FLRT2: variants seen among roughly 807,000 people sequenced by gnomAD.
FLRT2 encodes the protein leucine-rich repeat transmembrane protein FLRT2.
In FLRT2, 15 loss-of-function variants were observed where a neutral mutation model predicts 40.0. The ratio of observed to expected loss-of-function variants is 0.38; its 90% CI spans 0.25 to 0.58. The LOEUF is 0.58. FLRT2 is among the 20% of genes least tolerant of loss of function. The probability of loss-of-function intolerance (pLI) is 0.71; values close to 1 mark genes in which losing one functional copy is unlikely to be tolerated. For synonymous variants in FLRT2, 380 were observed against 336.8 expected (o/e 1.13, Z -1.41); for missense variants, 726 against 840.0 (o/e 0.86, Z 1.68).
At position 85,630,409 on chromosome 14, in the gene FLRT2, A is replaced by G. The variant is rs927228113; in HGVS notation, c.*6912A>G. 1 of 148,704 alleles carries G rather than the reference A, an allele frequency of 6.7e-6. No individual in the cohort carries two copies. The highest frequency in any genetic ancestry group is 2.5e-5 in the African/African-American group (1 of 40,134). The allele number at this position is 148,704 out of a possible 1,614,324, so 9.2% of individuals were successfully genotyped here. A position where few individuals can be genotyped will look rare whatever the true frequency, so the allele number is the denominator to read the frequency against. On this transcript the variant is annotated 3_prime_UTR_variant, in exon 2 of 2. Transcript: ENST00000330753. ...CTCAGTATTGGGTCACTCTTTTCCTAATATAAAAAACTATGCTGGCTCAAA... is the reference window on the plus strand; with the variant it reads ...CTCAGTATTGGGTCACTCTTTTCCTGATATAAAAAACTATGCTGGCTCAAA...
chr14:85,562,158 G>T (rs189503266), intron 1 of FLRT2, among the ~76,000 whole-genome samples: 2 of 152,312 alleles, frequency 1.3e-5, no homozygotes, highest in East Asian at 1.9e-4. Context: ...CTAAATGCAG[G>T]CATCTGAGAA....
Position 85,639,939 on chromosome 14 carries a change from T to G in FLRT2, c.*16442T>G, listed in dbSNP as rs1325618187. 1 of 147,550 alleles carries G rather than the reference T, an allele frequency of 6.8e-6. No homozygotes were observed. The highest frequency in any genetic ancestry group is 1.5e-5 in the Non-Finnish European group (1 of 67,296). The allele number at this position is 147,550 out of a possible 1,614,324, so 9.1% of individuals were successfully genotyped here. On this transcript the variant is annotated 3_prime_UTR_variant, in exon 2 of 2. Transcript: ENST00000330753. The stretch of plus-strand genomic sequence containing the variant: ...TCTCGACTCACTGCAAGCTCCGCCT[T>G]CCGAGTTCACACCATTCTCCTGCCT...
In FLRT2 at chr14:85,625,748, T is replaced by C. The variant is rs1372556993; in HGVS notation, c.*2251T>C. ...TTAGCTGGATAATTCCCTTCTACTGTCCTCTTCCCCTTGGCTGTGTAGATA... is the reference window on the plus strand; with the variant it reads ...TTAGCTGGATAATTCCCTTCTACTGCCCTCTTCCCCTTGGCTGTGTAGATA... On this transcript the variant is annotated 3_prime_UTR_variant, in exon 2 of 2. Transcript: ENST00000330753. 6.0e-6 allele frequency: 1 copy of C among 167,112 alleles called. No homozygotes were observed. The highest frequency in any genetic ancestry group is 2.4e-5 in the African/African-American group (1 of 41,470). The allele number at this position is 167,112 out of a possible 1,614,324, so 10.4% of individuals were successfully genotyped here.
At chr14:85,541,767 T>A (rs1888996077) in intron 1 of FLRT2, among the ~76,000 whole-genome samples, 1 of 152,192 alleles carries the variant, frequency 6.6e-6, no homozygotes, top group Non-Finnish European at 1.5e-5. Flanking sequence ...TATTTGTTCA[T>A]TGAAAGCATA....
chr14:85,578,346 CA>C (rs963715462), intron 1 of FLRT2, among the ~76,000 whole-genome samples: 3 of 150,682 alleles, frequency 2.0e-5, no homozygotes, highest in Non-Finnish European at 1.5e-5. Flanking sequence ...TGTGCCAGAC[CA>C]AAAAAAATCA....
chr14:85,559,051 T>C (rs550324022), intron 1 of FLRT2, among the ~76,000 whole-genome samples: 1 of 152,278 alleles, frequency 6.6e-6, no homozygotes, highest in South Asian at 2.1e-4. Context: ...TGTGTACACA[T>C]AGATAGGTGC....
At chr14:85,592,380 T>A (rs946459262) in intron 1 of FLRT2, among the ~76,000 whole-genome samples, 6 of 152,282 alleles carry the variant, frequency 3.9e-5, no homozygotes, top group Middle Eastern at 3.4e-3. Context: ...TTCTTTTTTT[T>A]ATCAGGTAGA....
At position 85,641,978 on chromosome 14, in the gene FLRT2, A is replaced by G. The variant is rs1307717976; in HGVS notation, c.*18481A>G. ...AGAATTTTATGATGAGAATGTAAAT[A>G]TAATAATTGTGAGGTAGGCTGAAGC... On this transcript the variant is annotated 3_prime_UTR_variant, in exon 2 of 2. Transcript: ENST00000330753. 6.6e-6 allele frequency: 1 copy of G among 152,160 alleles called. No homozygotes were observed. The highest frequency in any genetic ancestry group is 1.5e-5 in the Non-Finnish European group (1 of 68,034). 9.4% of individuals were successfully genotyped at this position (152,160 alleles called of 1,614,324 possible).
intron 1 of FLRT2, among the ~76,000 whole-genome samples, chr14:85,541,229 T>C (rs2139810106): frequency 6.6e-6 from 1 of 152,296 alleles, no homozygotes; most frequent in African/African-American, 2.4e-5. Context: ...GATATTCTTA[T>C]GGAGGTTTCA....
At position 85,646,002 on chromosome 14, in the gene FLRT2, G is replaced by A. The variant is rs1336149070; in HGVS notation, c.*22505G>A. On this transcript the variant is annotated 3_prime_UTR_variant, in exon 2 of 2. Coordinates refer to ENST00000330753, the MANE Select transcript of FLRT2 (RefSeq NM_013231.6). ...CCATATTGAAATAGACAATTACTCTGTATATAGATTTGCCTGCCTTGTAAC... is the reference window on the plus strand; with the variant it reads ...CCATATTGAAATAGACAATTACTCTATATATAGATTTGCCTGCCTTGTAAC... 6.6e-6 allele frequency: 1 copy of A among 150,868 alleles called. No homozygotes were observed. The highest frequency in any genetic ancestry group is 1.5e-5 in the Non-Finnish European group (1 of 67,930). 9.3% of individuals were successfully genotyped at this position (150,868 alleles called of 1,614,324 possible). A position where few individuals can be genotyped will look rare whatever the true frequency, so the allele number is the denominator to read the frequency against.
At position 85,623,567 on chromosome 14, in the gene FLRT2, A is replaced by C; in HGVS notation, c.*70A>C. 1 of 1,208,658 alleles carries C rather than the reference A, an allele frequency of 8.3e-7. No individual in the cohort carries two copies. Among genetic ancestry groups the C allele is most frequent in the Non-Finnish European group, 1.1e-6 (1 of 912,792 alleles). 74.9% of individuals were successfully genotyped at this position (1,208,658 alleles called of 1,614,324 possible). A position where few individuals can be genotyped will look rare whatever the true frequency, so the allele number is the denominator to read the frequency against. On this transcript the variant is annotated 3_prime_UTR_variant, in exon 2 of 2. Transcript: ENST00000330753. The stretch of plus-strand genomic sequence containing the variant: ...AGAACACACTCGTGTGTGCACATAA[A>C]GACACGCAGATTACATTTGATAAAT...
chr14:85,607,219 G>T (rs11847253), intron 1 of FLRT2, among the ~76,000 whole-genome samples: 49,271 of 151,906 alleles, frequency 0.32, 8,961 homozygotes, highest in African/African-American at 0.49. Flanking sequence ...CTTTCTAATG[G>T]GGGATTGAGC....
rs1491080173 is a variant in FLRT2 at position 85,643,330 on chromosome 14, T to TTC, written c.*19833_*19834insTC. 6 of 116,146 alleles carry TTC rather than the reference T, an allele frequency of 5.2e-5. No homozygotes were observed. Among genetic ancestry groups the TTC allele is most frequent in the African/African-American group, 2.2e-4 (6 of 27,830 alleles). The allele number at this position is 116,146 out of a possible 1,614,324, so 7.2% of individuals were successfully genotyped here. ...TTCTTTCTTTCTTTCTTTCTTTCTT[T>TTC]CTTTCTTTCTTTCTTTCTTTCTTTC... On this transcript the variant is annotated 3_prime_UTR_variant, in exon 2 of 2. Coordinates refer to ENST00000330753, the MANE Select transcript of FLRT2 (RefSeq NM_013231.6).
At chr14:85,541,866 C>T (rs1889002454) in intron 1 of FLRT2, among the ~76,000 whole-genome samples, 1 of 152,184 alleles carries the variant, frequency 6.6e-6, no homozygotes, top group Non-Finnish European at 1.5e-5. Context: ...CCAGTGCCTG[C>T]AGCTTCCAAG....
At chr14:85,601,718 G>A (rs1421893693) in intron 1 of FLRT2, among the ~76,000 whole-genome samples, 2 of 152,064 alleles carry the variant, frequency 1.3e-5, no homozygotes, top group African/African-American at 4.8e-5. Flanking sequence ...AGAGATGTGA[G>A]GATCAAACAA....
Position 85,632,718 on chromosome 14 carries a change from G to C in FLRT2, c.*9221G>C, listed in dbSNP as rs1023215361. Reference sequence around the variant, plus strand: ...TAAAGGTTCACATTGTGTTATCTTGGTTATTGCCATGAGAATAGTCTTTCC... The same window carrying C: ...TAAAGGTTCACATTGTGTTATCTTGCTTATTGCCATGAGAATAGTCTTTCC... On this transcript the variant is annotated 3_prime_UTR_variant, in exon 2 of 2. Transcript: ENST00000330753. 3 of 151,996 alleles carry C rather than the reference G, an allele frequency of 2.0e-5. No homozygotes were observed. The East Asian group carries it at 5.8e-4, about 29-fold the overall frequency. 9.4% of individuals were successfully genotyped at this position (151,996 alleles called of 1,614,324 possible).
intron 1 of FLRT2, among the ~76,000 whole-genome samples, chr14:85,533,566 C>T (rs1414869823): frequency 6.6e-6 from 1 of 152,112 alleles, no homozygotes; most frequent in Non-Finnish European, 1.5e-5. Context: ...GCCTTCCCCG[C>T]TCGCTGTACT....
Position 85,650,113 on chromosome 14 carries a change from T to C in FLRT2, c.*26616T>C, listed in dbSNP as rs1290173391. On this transcript the variant is annotated 3_prime_UTR_variant, in exon 2 of 2. Coordinates refer to ENST00000330753, the MANE Select transcript of FLRT2 (RefSeq NM_013231.6). ...ACCCCTCACCTGTCACACTATCCTCTTTGCTTTGTCAAATACTTACTACGT... is the reference window on the plus strand; with the variant it reads ...ACCCCTCACCTGTCACACTATCCTCCTTGCTTTGTCAAATACTTACTACGT... 2 of 152,024 alleles carry C rather than the reference T, an allele frequency of 1.3e-5. No individual in the cohort carries two copies. The highest frequency in any genetic ancestry group is 2.4e-5 in the African/African-American group (1 of 41,422). 9.4% of individuals were successfully genotyped at this position (152,024 alleles called of 1,614,324 possible). A position where few individuals can be genotyped will look rare whatever the true frequency, so the allele number is the denominator to read the frequency against.
intron 1 of FLRT2, among the ~76,000 whole-genome samples, chr14:85,586,086 CAG>C (rs757518660): frequency 6.8e-6 from 1 of 147,628 alleles, no homozygotes; most frequent in Non-Finnish European, 1.5e-5. Context: ...TTTATATAGT[CAG>C]TGTATATTTA....
Sources: gnomAD v4.1 joint callset for allele counts (sites outside exome capture counted in the v4.1 genomes callset) on GRCh38, gnomAD v4.1.1 for gene constraint, MANE v1.5 for transcripts, NCBI Gene and HGNC (gene_info 2026-07-23, HGNC 2026-07-21) for gene names.